KIAA1217: variants seen among roughly 807,000 people sequenced by gnomAD.
The protein encoded by KIAA1217 is sickle tail protein homolog.
A neutral mutation model predicts 163.9 loss-of-function variants in KIAA1217; 88 were observed. The observed-to-expected ratio is 0.54, with a 90% CI of 0.45 to 0.64. The LOEUF is 0.64. KIAA1217 is among the 30% of genes least tolerant of loss of function. KIAA1217 has a pLI of 0.00. For synonymous variants in KIAA1217, 903 were observed against 923.1 expected, an observed-to-expected ratio of 0.98 and a Z score of 0.39; for missense variants, 2,372 against 2,475.0, an observed-to-expected ratio of 0.96 and a Z score of 0.88.
At chr10:23,736,718 G>A (rs192654114) in intron 1 of KIAA1217, among the ~76,000 whole-genome samples, 1 of 152,198 alleles carries the variant, frequency 6.6e-6, no homozygotes, top group East Asian at 1.9e-4. Context: ...TAGAGATGGA[G>A]TCTTGCTGTG....
At chr10:24,055,846 T>G (rs2060511427) in intron 2 of KIAA1217, among the ~76,000 whole-genome samples, 1 of 152,068 alleles carries the variant, frequency 6.6e-6, no homozygotes, top group Non-Finnish European at 1.5e-5. Context: ...TTTCACAAAA[T>G]TTTTTGATAG....
At chr10:24,384,606 G>T (rs1359982684) in intron 3 of KIAA1217, among the ~76,000 whole-genome samples, 1 of 152,258 alleles carries the variant, frequency 6.6e-6, no homozygotes, top group East Asian at 1.9e-4. Context: ...GAACGATCTC[G>T]GCTCACCGCA....
rs564613434 is a variant in KIAA1217, at chr10:24,117,822, T to C, written c.-170-101804T>C. On this transcript the variant is annotated intron_variant, in intron 2 of 18. Transcript: ENST00000376462. ...AAAGCAGTATCTTCATCACATATTT[T>C]GAAATGTGCTTCGCTGAAAAGTGTA... Among the ~76,000 whole-genome samples, 18 of 152,238 alleles carry C rather than the reference T, an allele frequency of 1.2e-4. No individual in the cohort carries two copies. In the South Asian group the frequency reaches 3.5e-3, roughly 30 times the overall value.
At chr10:23,955,323 T>G (rs1844513981) in intron 1 of KIAA1217, among the ~76,000 whole-genome samples, 1 of 152,176 alleles carries the variant, frequency 6.6e-6, no homozygotes, top group African/African-American at 2.4e-5. Context: ...TTAGGGCAAA[T>G]ACATGTCGTT....
chr10:24,126,291 G>T (rs1171211824), intron 2 of KIAA1217, among the ~76,000 whole-genome samples: 4 of 152,124 alleles, frequency 2.6e-5, no homozygotes, highest in Non-Finnish European at 5.9e-5. Flanking sequence ...TGTCTGAACA[G>T]CTGTTTCACC....
intron 2 of KIAA1217, among the ~76,000 whole-genome samples, chr10:24,343,442 C>A (rs1250818635): frequency 6.6e-6 from 1 of 152,054 alleles, no homozygotes; most frequent in Admixed American, 6.6e-5. Flanking sequence ...GTGTTTTTAC[C>A]CATTTTTAAT....
At chr10:23,968,361 A>G (rs1360334293) in intron 1 of KIAA1217, among the ~76,000 whole-genome samples, 1 of 152,236 alleles carries the variant, frequency 6.6e-6, no homozygotes, top group Non-Finnish European at 1.5e-5. Context: ...AGGCTCTGCA[A>G]GAGTTATAGC....
chr10:23,761,270 G>C (rs1834250337), intron 1 of KIAA1217, among the ~76,000 whole-genome samples: 1 of 152,140 alleles, frequency 6.6e-6, no homozygotes, highest in South Asian at 2.1e-4. Context: ...AAACAACCCT[G>C]ATCTGTTATT....
At chr10:24,053,625 A>T (rs528427087) in intron 2 of KIAA1217, among the ~76,000 whole-genome samples, 1 of 152,124 alleles carries the variant, frequency 6.6e-6, no homozygotes, top group African/African-American at 2.4e-5. Flanking sequence ...CCACTCAAAA[A>T]ATAAAAAGAA....
chr10:24,358,331 T>C (rs1233336469), intron 2 of KIAA1217, among the ~76,000 whole-genome samples: 4 of 152,162 alleles, frequency 2.6e-5, no homozygotes, highest in African/African-American at 9.7e-5. Flanking sequence ...TCTAAGAGTA[T>C]CTGTCACACT....
At position 23,939,671 on chromosome 10, in the gene KIAA1217, A is replaced by G. The variant is rs551696083; in HGVS notation, c.-320-67554A>G. Among the ~76,000 whole-genome samples, 319 of 151,952 alleles carry G rather than the reference A, an allele frequency of 2.1e-3. 1 individual carries two copies. Among genetic ancestry groups the G allele is most frequent in the Non-Finnish European group, 3.1e-3 (208 of 67,924 alleles). On this transcript the variant is annotated intron_variant, in intron 1 of 18. Coordinates refer to the KIAA1217 transcript ENST00000376462. Reference sequence around the variant, plus strand: ...GCAGAAACTTACAATTATAATTAGAAATTTCAGCAGTTGTTACTTAATTAG... The same window carrying G: ...GCAGAAACTTACAATTATAATTAGAGATTTCAGCAGTTGTTACTTAATTAG...
At chr10:23,797,800 G>A (rs966332607) in intron 1 of KIAA1217, among the ~76,000 whole-genome samples, 2 of 152,134 alleles carry the variant, frequency 1.3e-5, no homozygotes, top group Admixed American at 1.3e-4. Flanking sequence ...AATTCAATAT[G>A]AGATTTGGAT....
chr10:23,903,839 A>C (rs887976092), intron 1 of KIAA1217, among the ~76,000 whole-genome samples: 1 of 152,078 alleles, frequency 6.6e-6, no homozygotes, highest in Non-Finnish European at 1.5e-5. Flanking sequence ...GCACTTGGGA[A>C]CTGGGATAGC....
rs372155284 is a variant in KIAA1217 at position 24,335,463 on chromosome 10, G to A, written c.355-45406G>A. Among the ~76,000 whole-genome samples the A allele has an allele frequency of 2.6e-4, 40 of 151,322 alleles. No individual in the cohort carries two copies. In the South Asian group the frequency reaches 7.5e-3, roughly 29 times the overall value. ...AGGTACCACCACACCCGGCTAATGG[G>A]TATGGAGTTTTATTATGGGATGAAA... On this transcript the variant is annotated intron_variant, in intron 2 of 20. Coordinates refer to ENST00000376454, the MANE Select transcript of KIAA1217 (RefSeq NM_019590.5).
intron 1 of KIAA1217, among the ~76,000 whole-genome samples, chr10:23,931,807 G>A (rs1029495624): frequency 6.6e-6 from 1 of 152,126 alleles, no homozygotes; most frequent in African/African-American, 2.4e-5. Context: ...GGAAACAGAT[G>A]GTTTACTCAA....
rs747791742 is a variant in KIAA1217 at position 24,533,086 on chromosome 10, C to T, written c.3263C>T (p.Ala1088Val). Residue 1088 changes from alanine to valine, a missense_variant, in exon 16 of 21, where the codon GCT (alanine) becomes GTT (valine). Ala to Val is a moderately conservative substitution (Grantham distance 64, BLOSUM62 0). Around this residue, in one of 3 missense-constraint regions of KIAA1217, gnomAD observed 1,431 missense variants for 1,470.3 expected, o/e 0.97. Coordinates refer to ENST00000376454, the MANE Select transcript of KIAA1217 (RefSeq NM_019590.5). ...CTCCCACAGGCAAGCAGTGAAGATG[C>T]TGGACCAAGCCCACAGACCAGAGCT... ...NITAKASSEDAGPSPQTRATK... is the reference protein window; with the variant it reads ...NITAKASSEDVGPSPQTRATK... The T allele has an allele frequency of 1.1e-5, 17 of 1,611,258 alleles. No individual in the cohort carries two copies. Among genetic ancestry groups the T allele is most frequent in the Non-Finnish European group, 1.4e-5 (16 of 1,178,436 alleles).
chr10:24,404,647 C>G (rs1411852971), intron 3 of KIAA1217, among the ~76,000 whole-genome samples: 1 of 150,168 alleles, frequency 6.7e-6, no homozygotes, highest in Non-Finnish European at 1.5e-5. Context: ...GCATTTATCT[C>G]AGACAAATGA....
intron 2 of KIAA1217, among the ~76,000 whole-genome samples, chr10:24,137,406 C>T (rs1219153900): frequency 6.6e-6 from 1 of 152,260 alleles, no homozygotes; most frequent in African/African-American, 2.4e-5. Flanking sequence ...TTGCTGTCTT[C>T]TTGGTGATCA....
chr10:23,766,220 C>T (rs1441145062), intron 1 of KIAA1217, among the ~76,000 whole-genome samples: 1 of 152,158 alleles, frequency 6.6e-6, no homozygotes, highest in Non-Finnish European at 1.5e-5. Flanking sequence ...TGATTTTGTG[C>T]CCTGCAGCTG....
Sources: gnomAD v4.1 joint callset for allele counts (sites outside exome capture counted in the v4.1 genomes callset) on GRCh38, gnomAD v4.1.1 for gene constraint, gnomAD v4.1.1 regional missense constraint, MANE v1.5 for transcripts, NCBI Gene and HGNC (gene_info 2026-07-23, HGNC 2026-07-21) for gene names.